CLSTN2: variants seen among roughly 807,000 people sequenced by gnomAD.
The protein encoded by CLSTN2 is calsyntenin 2.
CLSTN2 carries 48 observed loss-of-function variants against 101.2 expected under a neutral mutation model. The observed-to-expected ratio is 0.47, with a 90% CI of 0.38 to 0.60. CLSTN2 has a LOEUF of 0.60. CLSTN2 is among the 20% of genes least tolerant of loss of function. The pLI, the probability that CLSTN2 is intolerant of heterozygous loss-of-function variation, is 0.00. For missense variants in CLSTN2, 1,160 were observed against 1,238.2 expected, an observed-to-expected ratio of 0.94 and a Z score of 0.95; for synonymous variants, 481 against 463.6, an observed-to-expected ratio of 1.04 and a Z score of -0.48.
chr3:140,102,312 C>T (rs1016361763), intron 1 of CLSTN2, among the ~76,000 whole-genome samples: 2 of 152,194 alleles, frequency 1.3e-5, no homozygotes, highest in Non-Finnish European at 2.9e-5. Context: ...TTGCTCTGAT[C>T]TCCCATGGAC....
intron 2 of CLSTN2, among the ~76,000 whole-genome samples, chr3:140,285,574 A>T (rs1211187271): frequency 6.6e-6 from 1 of 152,160 alleles, no homozygotes; most frequent in East Asian, 1.9e-4. Context: ...TGGTTTTGAA[A>T]TATGAGCCAG....
intron 1 of CLSTN2, among the ~76,000 whole-genome samples, chr3:139,974,321 T>C (rs557012733): frequency 6.6e-6 from 1 of 152,224 alleles, no homozygotes; most frequent in South Asian, 2.1e-4. Flanking sequence ...TCTGGTTTCC[T>C]GGACTCAACC....
intron 2 of CLSTN2, among the ~76,000 whole-genome samples, chr3:140,256,051 C>T (rs2086601195): frequency 6.6e-6 from 1 of 152,176 alleles, no homozygotes; most frequent in Non-Finnish European, 1.5e-5. Context: ...TCCCTTTTCC[C>T]ACATTTTTCT....
At chr3:140,383,322 T>C (rs1022334570) in intron 2 of CLSTN2, among the ~76,000 whole-genome samples, 1 of 152,212 alleles carries the variant, frequency 6.6e-6, no homozygotes, top group Admixed American at 6.5e-5. Flanking sequence ...AACTGCCTGG[T>C]ATATAATGGG....
At chr3:139,940,844 G>T (rs1935114339) in intron 1 of CLSTN2, among the ~76,000 whole-genome samples, 1 of 152,094 alleles carries the variant, frequency 6.6e-6, no homozygotes, top group South Asian at 2.1e-4. Flanking sequence ...GTAAAGGTCA[G>T]CAATATTTGC....
chr3:140,081,791 T>C (rs1045302913), intron 1 of CLSTN2, among the ~76,000 whole-genome samples: 1 of 151,564 alleles, frequency 6.6e-6, no homozygotes. Context: ...CACTCTACTC[T>C]GGAGACTGGA....
At chr3:139,994,039 G>A (rs1219683127) in intron 1 of CLSTN2, among the ~76,000 whole-genome samples, 2 of 152,150 alleles carry the variant, frequency 1.3e-5, no homozygotes, top group Non-Finnish European at 2.9e-5. Flanking sequence ...GAGACTTAGG[G>A]AAGGTCTCCC....
At chr3:140,145,920 G>T (rs896360634) in intron 1 of CLSTN2, among the ~76,000 whole-genome samples, 2 of 152,212 alleles carry the variant, frequency 1.3e-5, no homozygotes, top group Non-Finnish European at 2.9e-5. Context: ...GAGACTGCCT[G>T]GCCTCTGTGA....
rs116345120 is a variant in CLSTN2 at position 140,148,991 on chromosome 3, G to A, written c.110-26960G>A. Among the ~76,000 whole-genome samples, 872 of 152,228 alleles carry A rather than the reference G, an allele frequency of 5.7e-3. 2 individuals are homozygous for A. Among genetic ancestry groups the A allele is most frequent in the African/African-American group, 0.02 (836 of 41,516 alleles). On this transcript the variant is annotated intron_variant, in intron 1 of 16. Coordinates refer to ENST00000458420, the MANE Select transcript of CLSTN2 (RefSeq NM_022131.3). ...GTTTTCCTTCAAGCCAGAGAGCGGA[G>A]GTCCTTGAGCCTGCTGGGCAATCCT... is the stretch of plus-strand genomic sequence containing the variant.
chr3:140,120,496 G>T (rs959592462), intron 1 of CLSTN2, among the ~76,000 whole-genome samples: 8 of 152,102 alleles, frequency 5.3e-5, no homozygotes, highest in African/African-American at 1.9e-4. Flanking sequence ...ATATAAGCAC[G>T]ATTGATTAAG....
chr3:140,097,484 C>T (rs2008888187), intron 1 of CLSTN2, among the ~76,000 whole-genome samples: 1 of 152,168 alleles, frequency 6.6e-6, no homozygotes, highest in Non-Finnish European at 1.5e-5. Context: ...ACTATGTGCC[C>T]TTGAAGAGCT....
At chr3:140,174,444 A>G (rs2010289857) in intron 1 of CLSTN2, among the ~76,000 whole-genome samples, 1 of 151,880 alleles carries the variant, frequency 6.6e-6, no homozygotes, top group Non-Finnish European at 1.5e-5. Flanking sequence ...AACTGTTCCA[A>G]CCTCTGCCTG....
At chr3:140,214,531 C>T (rs1471185172) in intron 2 of CLSTN2, among the ~76,000 whole-genome samples, 1 of 152,138 alleles carries the variant, frequency 6.6e-6, no homozygotes, top group Non-Finnish European at 1.5e-5. Context: ...TCTTCAGCTT[C>T]AAAATGTCCC....
chr3:140,338,368 C>A lies in CLSTN2; in HGVS notation c.233-65261C>A, dbSNP rs1001411962. On this transcript the variant is annotated intron_variant, in intron 2 of 16. Transcript: ENST00000458420. ...GATGCCGTAGCTCTTAGAATAAAAT[C>A]TGAATCTATAATATCACCACAAGGG... is the stretch of plus-strand genomic sequence containing the variant. Among the ~76,000 whole-genome samples, 9 of 152,300 alleles carry A rather than the reference C, an allele frequency of 5.9e-5. No homozygotes were observed. In the South Asian group the frequency reaches 1.9e-3, roughly 32 times the overall value.
At chr3:140,194,913 A>C (rs1309868548) in intron 2 of CLSTN2, among the ~76,000 whole-genome samples, 1 of 152,030 alleles carries the variant, frequency 6.6e-6, no homozygotes, top group Non-Finnish European at 1.5e-5. Flanking sequence ...AGAGGATAGA[A>C]CTCCTCATTA....
rs534314670 is a variant in CLSTN2 at position 140,044,631 on chromosome 3, G to A, written c.109+109148G>A. Among the ~76,000 whole-genome samples the A allele has an allele frequency of 2.3e-3, 351 of 152,284 alleles. 2 individuals are homozygous for A. The highest frequency in any genetic ancestry group is 6.9e-3 in the African/African-American group (285 of 41,540). On this transcript the variant is annotated intron_variant, in intron 1 of 16. Coordinates refer to ENST00000458420, the MANE Select transcript of CLSTN2 (RefSeq NM_022131.3). ...GCAGTTTTCAAAGGGAATTCTTCCA[G>A]TTTTTGCCCATTCAGTATGATATTG...
intron 2 of CLSTN2, among the ~76,000 whole-genome samples, chr3:140,251,610 TTCC>T (rs2086564533): frequency 6.6e-6 from 1 of 150,444 alleles, no homozygotes; most frequent in Non-Finnish European, 1.5e-5. Flanking sequence ...TTCCTTTCCT[TTCC>T]TTTCCTTTCC....
intron 2 of CLSTN2, among the ~76,000 whole-genome samples, chr3:140,343,727 G>A (rs915573361): frequency 6.6e-6 from 1 of 152,214 alleles, no homozygotes; most frequent in Non-Finnish European, 1.5e-5. Flanking sequence ...CCAAGTTCTA[G>A]TTACACTGAG....
At chr3:140,441,682 A>T (rs2088767591) in intron 5 of CLSTN2, among the ~76,000 whole-genome samples, 1 of 152,184 alleles carries the variant, frequency 6.6e-6, no homozygotes, top group Non-Finnish European at 1.5e-5. Flanking sequence ...GGTCCTGAGG[A>T]ACTCATGCCT....
Sources: allele counts gnomAD v4.1 joint callset (sites outside exome capture counted in the v4.1 genomes callset), GRCh38; gene constraint gnomAD v4.1.1; transcripts MANE v1.5; gene names NCBI Gene and HGNC (gene_info 2026-07-23, HGNC 2026-07-21).